ZNF280B: variants seen among roughly 807,000 people sequenced by gnomAD.
The protein encoded by ZNF280B is suppressor of hairy wing homolog 2.
A neutral mutation model predicts 38.0 loss-of-function variants in ZNF280B; 16 were observed. The ratio of observed to expected loss-of-function variants is 0.42; its 90% confidence interval spans 0.28 to 0.64. ZNF280B has a LOEUF of 0.64. Among genes scored for constraint, ZNF280B ranks in the 30% least tolerant of loss-of-function variants. The probability of loss-of-function intolerance (pLI) is 0.21; values close to 1 mark genes in which losing one functional copy is unlikely to be tolerated. For missense variants in ZNF280B, 581 were observed against 639.6 expected (o/e 0.91, Z 0.99); for synonymous variants, 253 against 230.6 (o/e 1.10, Z -0.88).
rs2061483605 is a variant in ZNF280B, at chr22:22,484,744, TTGA to T, written c.*3020_*3022del. ...CAATTCTAAGACAGAAGCAAAGCCC[TTGA>T]TGATGATCGCTTTCCAGCTTTTTCA... is the stretch of plus-strand genomic sequence containing the variant. On this transcript the variant is annotated 3_prime_UTR_variant, in exon 4 of 4. Coordinates refer to ENST00000626650, the MANE Select transcript of ZNF280B (RefSeq NM_080764.4). 4 of 152,366 alleles carry T rather than the reference TTGA, an allele frequency of 2.6e-5. 1 individual carries two copies. The highest frequency in any genetic ancestry group is 1.3e-4 in the Admixed American group (2 of 15,262). 9.4% of individuals were successfully genotyped at this position (152,366 alleles called of 1,614,324 possible). A position where few individuals can be genotyped will look rare whatever the true frequency, so the allele number is the denominator to read the frequency against.
At chr22:22,501,555 A>G (rs2061826009) in intron 2 of ZNF280B, among the ~76,000 whole-genome samples, 1 of 151,762 alleles carries the variant, frequency 6.6e-6, no homozygotes, top group Admixed American at 6.6e-5. Context: ...ACAGAGTGAG[A>G]CTCTGTTAAA....
rs572861654 is a variant in ZNF280B, at chr22:22,494,125, G to C, written c.-131C>G. On this transcript the variant is annotated 5_prime_UTR_variant, in exon 3 of 4. Transcript: ENST00000626650. The stretch of plus-strand genomic sequence containing the variant: ...AAGGCTGTCATCCACCAGCCAGGAA[G>C]AGAGCCTTCACTAAGGAACCAAATC... The C allele has an allele frequency of 6.6e-6, 1 of 152,006 alleles. No homozygotes were observed. Among genetic ancestry groups the C allele is most frequent in the Non-Finnish European group, 1.5e-5 (1 of 68,028 alleles). 9.4% of individuals were successfully genotyped at this position (152,006 alleles called of 1,614,324 possible).
chr22:22,492,250 T>A (rs939734874), intron 3 of ZNF280B, among the ~76,000 whole-genome samples: 2 of 151,774 alleles, frequency 1.3e-5, no homozygotes, highest in African/African-American at 4.8e-5. Flanking sequence ...CTCTCTGGAG[T>A]CAACTAAAAT....
chr22:22,497,208 TAAAAAAAAAA>T (rs71199486), intron 2 of ZNF280B, among the ~76,000 whole-genome samples: 6 of 33,640 alleles, frequency 1.8e-4, no homozygotes, highest in Non-Finnish European at 3.5e-4. Flanking sequence ...TCTCCATCTT[TAAAAAAAAAA>T]AAAAAAAAAA....
upstream of ZNF280B, chr22:22,509,083 GGCAGTCAGGGTTCCAGAGCTGTC>G (rs2062000143): frequency 6.5e-6 from 1 of 154,170 alleles, no homozygotes; most frequent in South Asian, 2.0e-4. Flanking sequence ...GGGGCACCCA[GGCAGTCAGGGTTCCAGAGCTGTC>G]GCAGCCAGGG....
intron 2 of ZNF280B, among the ~76,000 whole-genome samples, chr22:22,500,864 A>C (rs2061802688): frequency 6.6e-6 from 1 of 151,490 alleles, no homozygotes; most frequent in Admixed American, 6.6e-5. Flanking sequence ...TGTTTCAAAA[A>C]AAATTAGCTG....
intron 2 of ZNF280B, among the ~76,000 whole-genome samples, chr22:22,498,157 C>T (rs1388158376): frequency 1.3e-5 from 2 of 151,638 alleles, no homozygotes; most frequent in South Asian, 2.1e-4. Context: ...ATAGATAAAT[C>T]CATAGATATT....
chr22:22,503,595 C>T lies in ZNF280B; in HGVS notation c.-187+4215G>A, dbSNP rs546614372. ...CAAACTGTAGTGGGAGTCATACATTCCCAAGGATGGAACAGTTATATCTCC... is the reference window on the plus strand; with the variant it reads ...CAAACTGTAGTGGGAGTCATACATTTCCAAGGATGGAACAGTTATATCTCC... On this transcript the variant is annotated intron_variant, in intron 2 of 3. Transcript: ENST00000626650. Among the ~76,000 whole-genome samples the T allele has an allele frequency of 2.0e-5, 3 of 152,054 alleles. No homozygotes were observed. In the South Asian group the frequency reaches 6.2e-4, roughly 32 times the overall value.
At chr22:22,492,941 TA>T (rs1303085410) in intron 3 of ZNF280B, among the ~76,000 whole-genome samples, 1 of 151,872 alleles carries the variant, frequency 6.6e-6, no homozygotes, top group African/African-American at 2.4e-5. Flanking sequence ...TCCAATATCC[TA>T]AAAAATCAGA....
intron 2 of ZNF280B, among the ~76,000 whole-genome samples, chr22:22,502,714 A>G (rs1299401468): frequency 6.6e-6 from 1 of 151,974 alleles, no homozygotes; most frequent in Non-Finnish European, 1.5e-5. Flanking sequence ...AATGTCCAGA[A>G]TAAGGCAAAT....
rs372546010 is a variant in ZNF280B, at chr22:22,488,864, C to A, written c.535G>T (p.Glu179Ter). The A allele has an allele frequency of 1.9e-6, 3 of 1,613,634 alleles. No homozygotes were observed. The highest frequency in any genetic ancestry group is 3.3e-5 in the Admixed American group (2 of 59,966). ...PRVSKQLSTF[E>*]VNSINPKRAK... ...CTTTTGGGATTTATGCTGTTTACTTCGAAAGTGGAAAGTTGCTTTGATACA... is the reference window on the plus strand; with the variant it reads ...CTTTTGGGATTTATGCTGTTTACTTAGAAAGTGGAAAGTTGCTTTGATACA... Residue 179 changes from glutamate (E) to a stop codon, truncating the protein, a stop_gained, in exon 4 of 4, where the codon GAA becomes TAA. Transcript: ENST00000626650. LOFTEE classifies it high-confidence loss of function.
chr22:22,491,297 T>TA (rs2061588792), intron 3 of ZNF280B, among the ~76,000 whole-genome samples: 1 of 151,722 alleles, frequency 6.6e-6, no homozygotes, highest in Non-Finnish European at 1.5e-5. Context: ...ATAAAGGACT[T>TA]AAAGCTAGCT....
At position 22,487,138 on chromosome 22, in the gene ZNF280B, T is replaced by C. The variant is rs2061511915; in HGVS notation, c.*629A>G. 6.6e-6 allele frequency: 1 copy of C among 151,766 alleles called. No individual in the cohort carries two copies. Among genetic ancestry groups the C allele is most frequent in the Non-Finnish European group, 1.5e-5 (1 of 67,984 alleles). The allele number at this position is 151,766 out of a possible 1,614,324, so 9.4% of individuals were successfully genotyped here. ...AGAGCTTTCAAGCTTAGGAGTAACATGAAATACCAAAACAATAAATAGGTG... is the reference window on the plus strand; with the variant it reads ...AGAGCTTTCAAGCTTAGGAGTAACACGAAATACCAAAACAATAAATAGGTG... On this transcript the variant is annotated 3_prime_UTR_variant, in exon 4 of 4. Transcript: ENST00000626650.
At chr22:22,489,503 G>A in intron 3 of ZNF280B, 37 bp from the exon 4 acceptor site, 1 of 960,868 alleles carries the variant, frequency 1.0e-6, no homozygotes, top group Non-Finnish European at 1.5e-6. Flanking sequence ...ACAGGAAAAT[G>A]CATTACCTTA....
chr22:22,500,162 G>GA (rs1325893299), intron 2 of ZNF280B, among the ~76,000 whole-genome samples: 1 of 151,818 alleles, frequency 6.6e-6, no homozygotes, highest in Non-Finnish European at 1.5e-5. Context: ...AACTACTATG[G>GA]AAAACAGTAC....
At position 22,487,892 on chromosome 22, in the gene ZNF280B, T is replaced by C; in HGVS notation, c.1507A>G (p.Ile503Val). 1 of 1,613,884 alleles carries C rather than the reference T, an allele frequency of 6.2e-7. No homozygotes were observed. Among genetic ancestry groups the C allele is most frequent in the Middle Eastern group, 1.7e-4 (1 of 6,050 alleles). Residue 503 changes from isoleucine to valine, a missense_variant, in exon 4 of 4, where the codon ATT becomes GTT. Ile to Val is a conservative substitution (Grantham distance 29). Coordinates refer to ENST00000626650, the MANE Select transcript of ZNF280B (RefSeq NM_080764.4). ...TGAAGAGGTTCCAGCGACACTTGAA[T>C]AGTAACTTTTGTTTCAGGAGGTAAT... ...EGLPPETKVT[I>V]QVSLEPLQPG... is the part of the protein sequence containing the mutation.
chr22:22,501,035 A>AAAAAAAAAAAAAAAAAAAAAC (rs2061810962), intron 2 of ZNF280B, among the ~76,000 whole-genome samples: 6 of 140,312 alleles, frequency 4.3e-5, no homozygotes, highest in East Asian at 2.1e-4. Flanking sequence ...AAAAAAAAAA[A>AAAAAAAAAAAAAAAAAAAAAC]AAAAAACAAA....
At chr22:22,492,357 A>G (rs114737591) in intron 3 of ZNF280B, among the ~76,000 whole-genome samples, 146 of 151,970 alleles carry the variant, frequency 9.6e-4, no homozygotes, top group African/African-American at 3.4e-3. Flanking sequence ...TTGGGACTAG[A>G]TAATTCTTTG....
At position 22,488,737 on chromosome 22, in the gene ZNF280B, T is replaced by A; in HGVS notation, c.662A>T (p.Asn221Ile). Residue 221 changes from asparagine (N) to isoleucine (I), a missense_variant, in exon 4 of 4, where the codon AAT becomes ATT. Transcript: ENST00000626650. ...AACATGGCTTAATGAGGTATGAACATTATTTGAGGGTGTACTTTGCTGAGT... is the reference window on the plus strand; with the variant it reads ...AACATGGCTTAATGAGGTATGAACAATATTTGAGGGTGTACTTTGCTGAGT... ...MNTQQSTPSN[N>I]VHTSLSHVQN... The A allele has an allele frequency of 1.9e-6, 3 of 1,613,816 alleles. No individual in the cohort carries two copies. The highest frequency in any genetic ancestry group is 2.5e-6 in the Non-Finnish European group (3 of 1,179,958).
Sources: allele counts gnomAD v4.1 joint callset (sites outside exome capture counted in the v4.1 genomes callset), GRCh38; gene constraint gnomAD v4.1.1; transcripts MANE v1.5; gene names NCBI Gene and HGNC (gene_info 2026-07-23, HGNC 2026-07-21).